The following GSTCD variants were observed in gnomAD, a reference collection of about 807,000 sequenced individuals.
GSTCD encodes glutathione S-transferase C-terminal domain containing.
GSTCD carries 44 observed loss-of-function variants against 68.3 expected under a neutral mutation model. The ratio of observed to expected loss-of-function variants is 0.64; its 90% CI spans 0.51 to 0.83. GSTCD has a LOEUF of 0.83. GSTCD is among the 40% of genes least tolerant of loss of function. The pLI is 0.00. For synonymous variants in GSTCD, 273 were observed against 255.2 expected (o/e 1.07, Z -0.67); for missense variants, 739 against 735.9 (o/e 1.00, Z -0.05).
intron 5 of GSTCD, chr4:105,760,874 TG>T (rs1349537147): frequency 4.8e-6 from 1 of 209,902 alleles, no homozygotes; most frequent in East Asian, 1.6e-4. Context: ...AATTTTACAG[TG>T]TTTAAGTGGG....
chr4:105,749,457 A>G (rs1733930036), intron 5 of GSTCD, among the ~76,000 whole-genome samples: 1 of 152,042 alleles, frequency 6.6e-6, no homozygotes, highest in Admixed American at 6.5e-5. Flanking sequence ...CTATATAGCT[A>G]TAGTAATTGG....
chr4:105,771,817 T>A (rs1470584028), intron 5 of GSTCD, among the ~76,000 whole-genome samples: 1 of 152,170 alleles, frequency 6.6e-6, no homozygotes, highest in Non-Finnish European at 1.5e-5. Flanking sequence ...GCCTCCAGAT[T>A]TGTTCGTTTT....
chr4:105,797,217 C>A (rs1332318251), intron 5 of GSTCD, among the ~76,000 whole-genome samples: 1 of 151,838 alleles, frequency 6.6e-6, no homozygotes, highest in Non-Finnish European at 1.5e-5. Context: ...CAACTTTTTT[C>A]TTGTTATTTT....
intron 11 of GSTCD, among the ~76,000 whole-genome samples, chr4:105,843,861 A>G (rs1724449857): frequency 1.3e-5 from 2 of 150,478 alleles, no homozygotes; most frequent in Non-Finnish European, 3.0e-5. Context: ...TTAGGTATCA[A>G]ACTAAAGGGG....
At chr4:105,756,580 GTA>G (rs3055930) in intron 5 of GSTCD, among the ~76,000 whole-genome samples, 96,151 of 142,030 alleles carry the variant, frequency 0.68, 34,061 homozygotes, top group East Asian at 0.87. Flanking sequence ...GTGTGTGTGT[GTA>G]TATATATATA....
chr4:105,822,117 T>A (rs920355190), intron 5 of GSTCD, among the ~76,000 whole-genome samples: 6 of 152,076 alleles, frequency 3.9e-5, no homozygotes, highest in African/African-American at 1.4e-4. Context: ...AATTTTGCTC[T>A]TGTAAAGAAT....
At chr4:105,797,874 A>G (rs1409782376) in intron 5 of GSTCD, among the ~76,000 whole-genome samples, 1 of 147,506 alleles carries the variant, frequency 6.8e-6, no homozygotes, top group Non-Finnish European at 1.5e-5. Context: ...TGCTGGGCTC[A>G]AGCGATTCTC....
chr4:105,783,082 G>A (rs1249413503), intron 5 of GSTCD, among the ~76,000 whole-genome samples: 1 of 151,992 alleles, frequency 6.6e-6, no homozygotes, highest in African/African-American at 2.4e-5. Flanking sequence ...CAATTTGTTC[G>A]AATTTGACCT....
chr4:105,790,300 A>G (rs1031500851), intron 5 of GSTCD, among the ~76,000 whole-genome samples: 1 of 152,080 alleles, frequency 6.6e-6, no homozygotes, highest in Non-Finnish European at 1.5e-5. Flanking sequence ...TCCTTACATA[A>G]TTTACATTAT....
rs896013865 is a variant in GSTCD, at chr4:105,846,317, C to A, written c.*740C>A. 5 of 151,964 alleles carry A rather than the reference C, an allele frequency of 3.3e-5. No homozygotes were observed. The highest frequency in any genetic ancestry group is 2.0e-4 in the Admixed American group (3 of 15,246). The allele number at this position is 151,964 out of a possible 1,614,324, so 9.4% of individuals were successfully genotyped here. ...AGTGAGCCTTGATAGCGCCACTGCACTCCTGCCTGGGAAAATGAGACCCAG... is the reference window on the plus strand; with the variant it reads ...AGTGAGCCTTGATAGCGCCACTGCAATCCTGCCTGGGAAAATGAGACCCAG... On this transcript the variant is annotated 3_prime_UTR_variant, in exon 12 of 12. Transcript: ENST00000515279.
At chr4:105,747,201 A>G (rs7676226) in intron 5 of GSTCD, among the ~76,000 whole-genome samples, 142,323 of 152,368 alleles carry the variant, frequency 0.93, 66,482 homozygotes, top group East Asian at 0.97. Context: ...GGTCTGATCC[A>G]CAATGTCAGT....
At chr4:105,735,511 A>G (rs1172411394) in intron 5 of GSTCD, among the ~76,000 whole-genome samples, 2 of 152,170 alleles carry the variant, frequency 1.3e-5, no homozygotes, top group Admixed American at 6.5e-5. Flanking sequence ...GCCGTTTGCT[A>G]AGACCATTGG....
At chr4:105,767,255 G>A (rs6850224) in intron 5 of GSTCD, among the ~76,000 whole-genome samples, 1 of 152,148 alleles carries the variant, frequency 6.6e-6, no homozygotes, top group Non-Finnish European at 1.5e-5. Flanking sequence ...GATTGGCTGA[G>A]ACTTGGCTAC....
intron 1 of GSTCD, among the ~76,000 whole-genome samples, chr4:105,716,451 C>T (rs183071311): frequency 1.2e-3 from 183 of 152,272 alleles, no homozygotes; most frequent in Non-Finnish European, 2.2e-3. Flanking sequence ...GGACTAGTAT[C>T]CATCTGTGGC....
Position 105,837,814 on chromosome 4 carries a change from C to T in GSTCD, c.1665-45C>T, listed in dbSNP as rs1297654458. 8.7e-6 allele frequency: 7 copies of T among 805,868 alleles called. No homozygotes were observed. The East Asian group carries it at 2.0e-4, about 23-fold the overall frequency. 49.9% of individuals were successfully genotyped at this position (805,868 alleles called of 1,614,324 possible). On this transcript the variant is annotated intron_variant, in intron 9 of 11. Transcript: ENST00000515279. ...TTAGTTTCTTCAAGATTATCTTACTCTTAATATTTAGAATGATGACTAATT... is the reference window on the plus strand; with the variant it reads ...TTAGTTTCTTCAAGATTATCTTACTTTTAATATTTAGAATGATGACTAATT...
intron 5 of GSTCD, among the ~76,000 whole-genome samples, chr4:105,797,306 T>C (rs527255436): frequency 2.0e-5 from 3 of 152,228 alleles, no homozygotes; most frequent in East Asian, 1.9e-4. Context: ...AGGATAGTTG[T>C]GTTCATATAC....
Position 105,815,883 on chromosome 4 carries a change from C to A in GSTCD, c.1241-7071C>A, listed in dbSNP as rs564028100. Among the ~76,000 whole-genome samples, 157 of 152,230 alleles carry A rather than the reference C, an allele frequency of 1.0e-3. 3 individuals carry two copies. In the South Asian group the frequency reaches 0.031, roughly 31 times the overall value. ...TATTATGGACTTAAAATAACAACAACAAAAACCCAAAATGCCAGAGCAGAG... is the reference window on the plus strand; with the variant it reads ...TATTATGGACTTAAAATAACAACAAAAAAAACCCAAAATGCCAGAGCAGAG... On this transcript the variant is annotated intron_variant, in intron 5 of 11. Transcript: ENST00000515279.
chr4:105,714,146 T>C (rs933542178), intron 1 of GSTCD, among the ~76,000 whole-genome samples: 2 of 152,182 alleles, frequency 1.3e-5, no homozygotes, highest in African/African-American at 4.8e-5. Flanking sequence ...TTTTTACCCA[T>C]TTATTCATTC....
At chr4:105,776,171 C>T (rs1016906872) in intron 5 of GSTCD, among the ~76,000 whole-genome samples, 3 of 152,164 alleles carry the variant, frequency 2.0e-5, no homozygotes, top group South Asian at 2.1e-4. Flanking sequence ...ACTCAAGCCT[C>T]GGTAATGGCA....
Sources: gnomAD v4.1 joint callset for allele counts (sites outside exome capture counted in the v4.1 genomes callset) on GRCh38, gnomAD v4.1.1 for gene constraint, MANE v1.5 for transcripts, NCBI Gene and HGNC (gene_info 2026-07-23, HGNC 2026-07-21) for gene names.